Variants in NRG1 observed in about 807,000 individuals in gnomAD.
NRG1 encodes the protein pro-neuregulin-1, membrane-bound isoform.
Under a neutral mutation model 63.8 loss-of-function variants are expected in NRG1, and 18 were observed. The ratio of observed to expected loss-of-function variants is 0.28; its 90% CI spans 0.19 to 0.42. The LOEUF (loss-of-function observed/expected upper bound fraction) is 0.42. NRG1 is among the 10% of genes least tolerant of loss of function. The pLI is 1.00. For synonymous variants in NRG1, 302 were observed against 301.3 expected, an observed-to-expected ratio of 1.00 and a Z score of -0.02; for missense variants, 762 against 814.7, an observed-to-expected ratio of 0.94 and a Z score of 0.79.
chr8:31,927,995 TA>T (rs367890417), intron 1 of NRG1, among the ~76,000 whole-genome samples: 21 of 139,722 alleles, frequency 1.5e-4, no homozygotes, highest in East Asian at 1.5e-3. Flanking sequence ...TAGGTATATT[TA>T]AAAAAAAAAA....
intron 1 of NRG1, among the ~76,000 whole-genome samples, chr8:31,715,081 C>T (rs1208192519): frequency 5.3e-5 from 8 of 151,910 alleles, no homozygotes. Flanking sequence ...AGAGTTATTG[C>T]TATATTTATG....
At chr8:32,069,682 C>T (rs1220412028) in intron 1 of NRG1, among the ~76,000 whole-genome samples, 1 of 152,018 alleles carries the variant, frequency 6.6e-6, no homozygotes, top group Admixed American at 6.6e-5. Flanking sequence ...GACCCTGAGA[C>T]TAGCATCAAC....
intron 7 of NRG1, among the ~76,000 whole-genome samples, chr8:32,744,260 A>G (rs1451911610): frequency 6.6e-6 from 1 of 152,132 alleles, no homozygotes; most frequent in Non-Finnish European, 1.5e-5. Flanking sequence ...ATGTGCAATC[A>G]TTTATTTAGG....
chr8:32,168,677 C>T (rs976889212), intron 1 of NRG1, among the ~76,000 whole-genome samples: 1 of 152,164 alleles, frequency 6.6e-6, no homozygotes, highest in African/African-American at 2.4e-5. Context: ...TCCATGAAGA[C>T]AGAATTAGAA....
At chr8:31,689,115 A>T (rs781565865) in intron 1 of NRG1, among the ~76,000 whole-genome samples, 1 of 152,164 alleles carries the variant, frequency 6.6e-6, no homozygotes, top group Non-Finnish European at 1.5e-5. Context: ...TTGTAATTTC[A>T]TGGGGCCCAC....
intron 1 of NRG1, among the ~76,000 whole-genome samples, chr8:31,864,438 C>T (rs1462209742): frequency 6.6e-6 from 1 of 152,132 alleles, no homozygotes; most frequent in Admixed American, 6.6e-5. Context: ...GAAGCCTTTC[C>T]TCCAAGGTGT....
intron 1 of NRG1, among the ~76,000 whole-genome samples, chr8:32,549,653 A>T (rs777145646): frequency 6.6e-6 from 1 of 152,214 alleles, no homozygotes; most frequent in African/African-American, 2.4e-5. Flanking sequence ...TAAAATGGCA[A>T]TTGAAGCTTT....
intron 1 of NRG1, among the ~76,000 whole-genome samples, chr8:32,158,146 G>T (rs1563851642): frequency 6.6e-6 from 1 of 151,886 alleles, no homozygotes; most frequent in African/African-American, 2.4e-5. Flanking sequence ...GCAGTGGGTA[G>T]TAGCTAATTC....
At chr8:32,725,020 T>A (rs62497780) in intron 5 of NRG1, among the ~76,000 whole-genome samples, 11,848 of 152,222 alleles carry the variant, frequency 0.078, 622 homozygotes, top group Non-Finnish European at 0.11. Flanking sequence ...TTTTAACATA[T>A]TTGTTAATCT....
intron 1 of NRG1, among the ~76,000 whole-genome samples, chr8:32,143,783 C>G (rs1043519369): frequency 6.6e-6 from 1 of 152,214 alleles, no homozygotes; most frequent in Non-Finnish European, 1.5e-5. Flanking sequence ...AATAAATACA[C>G]ACACCCACTC....
At chr8:31,992,544 T>A (rs1055401421) in intron 1 of NRG1, among the ~76,000 whole-genome samples, 2 of 151,980 alleles carry the variant, frequency 1.3e-5, no homozygotes, top group African/African-American at 4.8e-5. Context: ...AGGATGGAAT[T>A]TTCCATAAGC....
intron 5 of NRG1, among the ~76,000 whole-genome samples, chr8:32,643,998 A>G (rs1852947939): frequency 6.6e-6 from 1 of 152,196 alleles, no homozygotes; most frequent in South Asian, 2.1e-4. Flanking sequence ...AATAGGATGA[A>G]TCAGAACGTA....
At chr8:32,124,080 T>A (rs1833802741) in intron 1 of NRG1, among the ~76,000 whole-genome samples, 4 of 151,974 alleles carry the variant, frequency 2.6e-5, no homozygotes, top group Admixed American at 2.6e-4. Flanking sequence ...CCTTCCATAA[T>A]AAAAACTTGG....
intron 1 of NRG1, among the ~76,000 whole-genome samples, chr8:32,333,108 A>G (rs1802844475): frequency 6.6e-6 from 1 of 152,212 alleles, no homozygotes; most frequent in Non-Finnish European, 1.5e-5. Context: ...CTCTCATCCT[A>G]CCAGAGTTGT....
At chr8:32,128,381 G>C (rs1024412111) in intron 1 of NRG1, among the ~76,000 whole-genome samples, 1 of 151,966 alleles carries the variant, frequency 6.6e-6, no homozygotes, top group African/African-American at 2.4e-5. Context: ...ATGGCAGGAA[G>C]TTAACAGGAC....
At chr8:32,369,312 T>C (rs57313204) in intron 1 of NRG1, among the ~76,000 whole-genome samples, 1 of 152,246 alleles carries the variant, frequency 6.6e-6, no homozygotes, top group African/African-American at 2.4e-5. Flanking sequence ...AGGACCCAGA[T>C]GGGAAAGAAA....
intron 1 of NRG1, among the ~76,000 whole-genome samples, chr8:32,243,157 C>T (rs769952021): frequency 2.6e-5 from 4 of 152,130 alleles, no homozygotes; most frequent in Non-Finnish European, 5.9e-5. Flanking sequence ...GGCACAATGG[C>T]TCACACCTGC....
intron 1 of NRG1, among the ~76,000 whole-genome samples, chr8:32,073,709 A>C (rs2131062996): frequency 6.6e-6 from 1 of 152,324 alleles, no homozygotes; most frequent in Non-Finnish European, 1.5e-5. Flanking sequence ...AGAAGGATAA[A>C]TGTCACATGT....
At chr8:32,429,716 G>T (rs7001942) in intron 1 of NRG1, among the ~76,000 whole-genome samples, 36,271 of 152,044 alleles carry the variant, frequency 0.24, 4,332 homozygotes, top group Non-Finnish European at 0.26. Context: ...ATCGCAAACA[G>T]TGTGGCCATT....
Sources: allele counts gnomAD v4.1 joint callset (sites outside exome capture counted in the v4.1 genomes callset), GRCh38; gene constraint gnomAD v4.1.1; transcripts MANE v1.5; gene names NCBI Gene and HGNC (gene_info 2026-07-23, HGNC 2026-07-21).